TUT4: variants seen among roughly 807,000 people sequenced by gnomAD.
TUT4 encodes terminal uridylyltransferase 4.
A neutral mutation model predicts 192.2 loss-of-function variants in TUT4; 36 were observed. The ratio of observed to expected loss-of-function variants is 0.19; its 90% CI spans 0.14 to 0.25. The LOEUF is 0.25. Ranked by LOEUF, TUT4 falls within the 10% of genes least tolerant of loss-of-function variation. The pLI, the probability that TUT4 is intolerant of heterozygous loss-of-function variation, is 1.00. For synonymous variants in TUT4, 618 were observed against 666.0 expected, an observed-to-expected ratio of 0.93 and a Z score of 1.11; for missense variants, 1,493 against 1,957.2, an observed-to-expected ratio of 0.76 and a Z score of 4.47.
intron 19 of TUT4, 93 bp from the exon 20 acceptor site, chr1:52,458,542 C>G: frequency 1.1e-6 from 1 of 921,566 alleles, no homozygotes; most frequent in Non-Finnish European, 1.7e-6. Flanking sequence ...TTTTAACCCA[C>G]AGAACTGGGT....
chr1:52,502,722 C>T lies in TUT4; in HGVS notation c.1000-5539G>A, dbSNP rs139865417. Among the ~76,000 whole-genome samples, 1,392 of 146,310 alleles carry T rather than the reference C, an allele frequency of 9.5e-3. 21 individuals are homozygous for T. The highest frequency in any genetic ancestry group is 0.065 in the Middle Eastern group (18 of 278). On this transcript the variant is annotated intron_variant, in intron 4 of 29. Coordinates refer to ENST00000257177, the MANE Select transcript of TUT4 (RefSeq NM_001009881.3). ...CACTGCAATCTCCACCTCCCAGATA[C>T]AAGCGCTCCTCCACCTAAGCCTCTC... is the stretch of plus-strand genomic sequence containing the variant.
chr1:52,499,097 T>C (rs796600583), intron 4 of TUT4, among the ~76,000 whole-genome samples: 2 of 151,342 alleles, frequency 1.3e-5, no homozygotes, highest in East Asian at 3.9e-4. Context: ...ACTACAAAGC[T>C]ATAGTAATCA....
At chr1:52,484,590 G>A (rs759023026) in intron 9 of TUT4, among the ~76,000 whole-genome samples, 3 of 152,024 alleles carry the variant, frequency 2.0e-5, no homozygotes, top group Non-Finnish European at 4.4e-5. Flanking sequence ...TTTCATTTAA[G>A]TAAAATTTAT....
At chr1:52,507,777 G>C (rs1302971983) in intron 4 of TUT4, among the ~76,000 whole-genome samples, 13 of 152,042 alleles carry the variant, frequency 8.6e-5, no homozygotes, top group Admixed American at 7.9e-4. Context: ...TTAGGATAAG[G>C]TATACTCAAT....
chr1:52,523,615 C>CA (rs1023815046), intron 2 of TUT4, among the ~76,000 whole-genome samples: 101 of 142,078 alleles, frequency 7.1e-4, no homozygotes, highest in East Asian at 1.2e-3. Context: ...CAAACCAAAA[C>CA]AAAAAAAAAA....
At chr1:52,452,999 G>A (rs1301877194) in intron 20 of TUT4, among the ~76,000 whole-genome samples, 3 of 152,176 alleles carry the variant, frequency 2.0e-5, no homozygotes, top group Non-Finnish European at 4.4e-5. Flanking sequence ...ACGCAGAAGT[G>A]GTTGCTTGCT....
intron 1 of TUT4, among the ~76,000 whole-genome samples, chr1:52,547,133 T>C (rs1688276095): frequency 6.7e-6 from 1 of 149,596 alleles, no homozygotes. Flanking sequence ...CACTTCAGCC[T>C]TGGTGATAGA....
intron 1 of TUT4, among the ~76,000 whole-genome samples, chr1:52,547,830 T>C (rs977595542): frequency 3.3e-5 from 5 of 152,204 alleles, no homozygotes; most frequent in Non-Finnish European, 7.4e-5. Context: ...CGTAGCTTAG[T>C]GCTTGCCAAA....
At chr1:52,463,586 T>C (rs906129432) in intron 16 of TUT4, 2 of 1,265,762 alleles carry the variant, frequency 1.6e-6, no homozygotes, top group Admixed American at 2.5e-5. Context: ...AAGCTGGGCC[T>C]CACCCCAATC....
At chr1:52,465,042 T>A in intron 16 of TUT4, 28 bp downstream of exon 16, 1 of 1,533,532 alleles carries the variant, frequency 6.5e-7, no homozygotes, top group Non-Finnish European at 8.8e-7. Flanking sequence ...GAAAATAAAC[T>A]TACATAACGC....
intron 16 of TUT4, 65 bp downstream of exon 16, chr1:52,465,005 A>G: frequency 7.7e-7 from 1 of 1,301,358 alleles, no homozygotes; most frequent in African/African-American, 1.5e-5. Flanking sequence ...ATCACATACA[A>G]AAATAAACAT....
intron 20 of TUT4, among the ~76,000 whole-genome samples, chr1:52,448,754 T>C (rs1658398785): frequency 6.6e-6 from 1 of 152,216 alleles, no homozygotes; most frequent in African/African-American, 2.4e-5. Flanking sequence ...TCATGTTTTG[T>C]AAACACAGAT....
chr1:52,461,013 G>A (rs769401304), intron 19 of TUT4, 121 bp downstream of exon 19: 273 of 725,514 alleles, frequency 3.8e-4, no homozygotes, highest in Non-Finnish European at 5.5e-4. Context: ...AATACTGAAA[G>A]TTTCTTTTTT....
At chr1:52,472,248 T>A in intron 13 of TUT4, 146 bp from the exon 14 acceptor site, 1 of 851,578 alleles carries the variant, frequency 1.2e-6, no homozygotes, top group Non-Finnish European at 1.7e-6. Context: ...AACATGTTGT[T>A]AAAATGCAGT....
intron 27 of TUT4, chr1:52,433,048 A>G (rs924406796): frequency 6.6e-6 from 1 of 152,356 alleles, no homozygotes; most frequent in African/African-American, 2.4e-5. Flanking sequence ...ACAAACAGGG[A>G]TAGAGGGAAG....
intron 3 of TUT4, among the ~76,000 whole-genome samples, chr1:52,512,073 T>C (rs1284265009): frequency 6.6e-6 from 1 of 152,186 alleles, no homozygotes; most frequent in Non-Finnish European, 1.5e-5. Context: ...ATCAATCATA[T>C]AAACTTTTCA....
chr1:52,453,175 A>T (rs1659943103), intron 20 of TUT4, among the ~76,000 whole-genome samples: 1 of 152,088 alleles, frequency 6.6e-6, no homozygotes, highest in African/African-American at 2.4e-5. Context: ...ACCTGACATA[A>T]GGAGTTCGAG....
rs1344355582 is a variant in TUT4, at chr1:52,442,785, T to C, written c.3822+3002A>G. ...GTTATGGAATACTACATACTGACTT[T>C]TGAAAGAGAATAAAATAAATCAAAA... On this transcript the variant is annotated intron_variant, in intron 24 of 29. Transcript: ENST00000257177. Among the ~76,000 whole-genome samples the C allele has an allele frequency of 3.9e-5, 6 of 152,284 alleles. No homozygotes were observed. The East Asian group carries it at 5.8e-4, about 15-fold the overall frequency.
At chr1:52,450,083 T>C (rs1425798417) in intron 20 of TUT4, among the ~76,000 whole-genome samples, 1 of 152,234 alleles carries the variant, frequency 6.6e-6, no homozygotes, top group Non-Finnish European at 1.5e-5. Context: ...AAAAATCTTC[T>C]GCCTAGGACA....
Sources: gnomAD v4.1 joint callset for allele counts (sites outside exome capture counted in the v4.1 genomes callset) on GRCh38, gnomAD v4.1.1 for gene constraint, MANE v1.5 for transcripts, NCBI Gene and HGNC (gene_info 2026-07-23, HGNC 2026-07-21) for gene names.